The following CCDC187 variants were observed in gnomAD, a reference collection of about 807,000 sequenced individuals.
CCDC187 encodes coiled-coil domain containing 187.
Under a neutral mutation model 38.0 loss-of-function variants are expected in CCDC187, and 32 were observed. The observed-to-expected ratio is 0.84, with a 90% CI of 0.64 to 1.13. The LOEUF (loss-of-function observed/expected upper bound fraction) is 1.13. Among genes scored for constraint, CCDC187 ranks in the 50% most tolerant of loss-of-function variants. The pLI is 0.00. For synonymous variants in CCDC187, 333 were observed against 347.9 expected (o/e 0.96, Z 0.48); for missense variants, 707 against 786.8 (o/e 0.90, Z 1.21).
intron 17 of CCDC187, among the ~76,000 whole-genome samples, chr9:136,265,265 TC>T (rs1184478881): frequency 6.6e-6 from 1 of 152,082 alleles, no homozygotes; most frequent in Admixed American, 6.5e-5. Context: ...TGGCAGCTTT[TC>T]CCCCCTCCAC....
In CCDC187 at chr9:136,291,227, CCT is replaced by C. The variant is rs1293548134; in HGVS notation, c.1384_1385del (p.Arg462GlyfsTer19). The C allele has an allele frequency of 1.3e-5, 5 of 398,698 alleles. No individual in the cohort carries two copies. The highest frequency in any genetic ancestry group is 1.0e-4 in the African/African-American group (5 of 48,650). 24.7% of individuals were successfully genotyped at this position (398,698 alleles called of 1,614,324 possible). The stretch of plus-strand genomic sequence containing the variant: ...GGTCCTGTCCTTGGGCCCCCCAGGC[CCT>C]CTGCGGACAGGACTCCCGTGCAGTG... ...SSTARESCPQ[R>X]AWGAQGQDRS... On this transcript the variant is annotated frameshift_variant, in exon 6 of 26. Transcript: ENST00000638797. LOFTEE classifies it high-confidence loss of function.
chr9:136,273,302 A>G (rs1335990084), intron 14 of CCDC187, among the ~76,000 whole-genome samples: 10 of 152,236 alleles, frequency 6.6e-5, no homozygotes, highest in African/African-American at 2.4e-4. Context: ...AGATGCAAAT[A>G]AATGGAAAGT....
At chr9:136,255,804 C>CA in intron 24 of CCDC187, 71 bp from the exon 25 acceptor site, 1 of 783,142 alleles carries the variant, frequency 1.3e-6, no homozygotes, top group Non-Finnish European at 1.6e-6. Flanking sequence ...GGCCCACTGT[C>CA]AGGGACCCCA....
chr9:136,302,787 CCT>C (rs2131370635), intron 2 of CCDC187, 23 bp downstream of exon 2: 1 of 399,188 alleles, frequency 2.5e-6, no homozygotes, highest in East Asian at 3.6e-5. Flanking sequence ...CCCTCCTGCC[CCT>C]CTCTGGCAAA....
chr9:136,254,241 G>A lies in CCDC187; in HGVS notation c.5587C>T (p.Leu1863Phe). The part of the protein sequence containing the change: ...LMGVSDTGEA[L>F]QAPPEAAGVV... ...CCGGCGGCCTCAGGGGGTGCCTGGAGGGCTTCTCCTGTGTCTGACACCCCC... is the reference window on the plus strand; with the variant it reads ...CCGGCGGCCTCAGGGGGTGCCTGGAAGGCTTCTCCTGTGTCTGACACCCCC... The change falls in exon 26 of 26, where the codon CTC becomes TTC. Residue 1863 changes from leucine to phenylalanine, a missense_variant. Leu to Phe is a conservative substitution (Grantham distance 22). Coordinates refer to ENST00000638797, the MANE Select transcript of CCDC187 (RefSeq NM_001378188.1). The A allele has an allele frequency of 4.1e-6, 4 of 985,418 alleles. No homozygotes were observed. Among genetic ancestry groups the A allele is most frequent in the Non-Finnish European group, 4.8e-6 (4 of 829,974 alleles). 61.0% of individuals were successfully genotyped at this position (985,418 alleles called of 1,614,324 possible).
Position 136,251,822 on chromosome 9 carries a change from G to A in CCDC187, c.*1772C>T, listed in dbSNP as rs140126461. 2,864 of 152,502 alleles carry A rather than the reference G, an allele frequency of 0.019. 36 individuals carry two copies. The highest frequency in any genetic ancestry group is 0.03 in the Middle Eastern group (9 of 296). The allele number at this position is 152,502 out of a possible 1,614,324, so 9.4% of individuals were successfully genotyped here. On this transcript the variant is annotated 3_prime_UTR_variant, in exon 26 of 26. Coordinates refer to ENST00000638797, the MANE Select transcript of CCDC187 (RefSeq NM_001378188.1). ...CAGGTGACCGTCCCGCGGAGCCGGC[G>A]CCCACCCTGTCCACCGGGGGAAGAG...
chr9:136,296,289 C>T (rs983396598), intron 4 of CCDC187: 2 of 152,254 alleles, frequency 1.3e-5, no homozygotes, highest in Non-Finnish European at 2.9e-5. Flanking sequence ...TCCCACAAAG[C>T]CAATCTCAGG....
At chr9:136,282,489 T>C (rs1347495564) in intron 9 of CCDC187, among the ~76,000 whole-genome samples, 1 of 151,562 alleles carries the variant, frequency 6.6e-6, no homozygotes, top group African/African-American at 2.4e-5. Flanking sequence ...ATCCGGGGCA[T>C]GTGGGCGGGG....
Position 136,252,521 on chromosome 9 carries a change from C to T in CCDC187, c.*1073G>A, listed in dbSNP as rs193150200. 25 of 192,520 alleles carry T rather than the reference C, an allele frequency of 1.3e-4. No homozygotes were observed. Among genetic ancestry groups the T allele is most frequent in the East Asian group, 5.7e-4 (3 of 5,302 alleles). 11.9% of individuals were successfully genotyped at this position (192,520 alleles called of 1,614,324 possible). On this transcript the variant is annotated 3_prime_UTR_variant, in exon 26 of 26. Transcript: ENST00000638797. The stretch of plus-strand genomic sequence containing the variant: ...CAGGCGACCATCCTGCACAGCCGGC[C>T]GCCCACCCGGTCCACCGGGGAAAGG...
At chr9:136,276,508 T>A (rs1224091894) in intron 11 of CCDC187, 143 bp downstream of exon 11, 5 of 151,904 alleles carry the variant, frequency 3.3e-5, no homozygotes, top group Non-Finnish European at 7.4e-5. Context: ...CATGCTCCCC[T>A]CCCTCTCACC....
rs1437605028 is a variant in CCDC187, at chr9:136,266,013, CA to C, written c.3677del (p.Val1226GlyfsTer26). The C allele has an allele frequency of 1.0e-6, 1 of 985,440 alleles. No individual in the cohort carries two copies. Among genetic ancestry groups the C allele is most frequent in the Non-Finnish European group, 1.2e-6 (1 of 830,002 alleles). 61.0% of individuals were successfully genotyped at this position (985,440 alleles called of 1,614,324 possible). On this transcript the variant is annotated frameshift_variant, in exon 17 of 26. Transcript: ENST00000638797. LOFTEE classifies it high-confidence loss of function. ...GCLDSKRDRA[V>X]LAALVEKQQQ... Reference sequence around the variant, plus strand: ...GCTGCTTCTCAACCAGCGCGGCCAGCACAGCTCTGTCCCTCTTGCTGTCCAG... The same window carrying C: ...GCTGCTTCTCAACCAGCGCGGCCAGCCAGCTCTGTCCCTCTTGCTGTCCAG...
At chr9:136,277,788 C>G (rs1471351967) in intron 10 of CCDC187, among the ~76,000 whole-genome samples, 1 of 152,120 alleles carries the variant, frequency 6.6e-6, no homozygotes, top group African/African-American at 2.4e-5. Flanking sequence ...GTGGGGCCCT[C>G]GTGATGGCTT....
At chr9:136,259,265 C>T (rs1373657852) in intron 21 of CCDC187, 98 bp downstream of exon 21, 1 of 365,918 alleles carries the variant, frequency 2.7e-6, no homozygotes, top group African/African-American at 2.5e-5. Context: ...GGGAGGGTAC[C>T]AAGATGAAGA....
intron 19 of CCDC187, 120 bp downstream of exon 19, chr9:136,262,191 C>T (rs1588651878): frequency 1.9e-5 from 17 of 899,672 alleles, no homozygotes; most frequent in East Asian, 2.4e-4. Context: ...CAGGGCTACA[C>T]GTGCCACCCC....
In CCDC187 at chr9:136,256,784, T is replaced by G. The variant is rs1018027858; in HGVS notation, c.4424A>C (p.Asp1475Ala). 1.3e-5 allele frequency: 2 copies of G among 152,198 alleles called. No individual in the cohort carries two copies. Among genetic ancestry groups the G allele is most frequent in the African/African-American group, 4.8e-5 (2 of 41,450 alleles). The allele number at this position is 152,198 out of a possible 1,614,324, so 9.4% of individuals were successfully genotyped here. The change falls in exon 23 of 26, where the codon GAC becomes GCC. Residue 1475 changes from aspartate to alanine, a missense_variant. By Grantham distance (126) the Asp-to-Ala change is moderately radical (BLOSUM62 -2). Transcript: ENST00000638797. The stretch of plus-strand genomic sequence containing the variant: ...TTCCCTGAAGCTCCCCACATGGCTG[T>G]CTGTTGGAGCCCGGGGCTTCCCTGC... ...SLAGKPRAPT[D>A]SHVGSFRERS...
chr9:136,296,019 C>T (rs1281280478), intron 4 of CCDC187: 2 of 152,338 alleles, frequency 1.3e-5, no homozygotes, highest in African/African-American at 2.4e-5. Flanking sequence ...GCTCCCACCT[C>T]ACCCGCGTGT....
intron 2 of CCDC187, among the ~76,000 whole-genome samples, chr9:136,302,195 T>TA (rs1831703324): frequency 6.6e-6 from 1 of 151,840 alleles, no homozygotes; most frequent in Non-Finnish European, 1.5e-5. Context: ...CTCAAAAAAA[T>TA]AAAAAATAAA....
At chr9:136,288,223 G>T (rs1471234690) in intron 7 of CCDC187, among the ~76,000 whole-genome samples, 1 of 152,140 alleles carries the variant, frequency 6.6e-6, no homozygotes, top group Non-Finnish European at 1.5e-5. Flanking sequence ...TTGTCTTACT[G>T]GACATTGACA....
intron 10 of CCDC187, among the ~76,000 whole-genome samples, chr9:136,280,302 C>T (rs1831013242): frequency 6.6e-6 from 1 of 152,228 alleles, no homozygotes; most frequent in Non-Finnish European, 1.5e-5. Context: ...CTCTCAGTGC[C>T]AGGCAGGCAG....
Sources: allele counts gnomAD v4.1 joint callset (sites outside exome capture counted in the v4.1 genomes callset), GRCh38; gene constraint gnomAD v4.1.1; transcripts MANE v1.5; gene names NCBI Gene and HGNC (gene_info 2026-07-23, HGNC 2026-07-21).